The following BMPER variants were observed in gnomAD, a reference collection of about 807,000 sequenced individuals.
The protein encoded by BMPER is BMP-binding endothelial regulator protein.
In BMPER, 45 loss-of-function variants were observed where a neutral mutation model predicts 87.3. The observed-to-expected ratio is 0.52, with a 90% CI of 0.41 to 0.66. The LOEUF (loss-of-function observed/expected upper bound fraction) is 0.66. Among genes scored for constraint, BMPER ranks in the 30% least tolerant of loss-of-function variants. The pLI is 0.00. For missense variants in BMPER, 784 were observed against 867.5 expected (o/e 0.90, Z 1.21); for synonymous variants, 326 against 316.2 (o/e 1.03, Z -0.33).
intron 3 of BMPER, among the ~76,000 whole-genome samples, chr7:33,941,762 C>T (rs977206510): frequency 6.6e-6 from 1 of 152,160 alleles, no homozygotes; most frequent in Admixed American, 6.5e-5. Flanking sequence ...GCTCATTTGC[C>T]CACCTCTCAC....
At chr7:34,063,734 T>C (rs1429392877) in intron 11 of BMPER, among the ~76,000 whole-genome samples, 2 of 152,222 alleles carry the variant, frequency 1.3e-5, no homozygotes, top group Non-Finnish European at 2.9e-5. Flanking sequence ...TGTTTATGGA[T>C]GGTTCAGAGG....
chr7:34,135,565 CTT>C (rs1010447261), intron 13 of BMPER, among the ~76,000 whole-genome samples: 16 of 152,084 alleles, frequency 1.1e-4, no homozygotes, highest in Non-Finnish European at 2.2e-4. Flanking sequence ...CTGTCAGGGA[CTT>C]TTTTTGCTTT....
intron 12 of BMPER, among the ~76,000 whole-genome samples, chr7:34,082,422 A>G (rs1003431901): frequency 6.8e-6 from 1 of 147,180 alleles, no homozygotes; most frequent in Admixed American, 7.1e-5. Context: ...GCAAATGCAT[A>G]TGTAGATGAT....
At position 33,916,992 on chromosome 7, in the gene BMPER, G is replaced by A. The variant is rs147334193; in HGVS notation, c.219+10089G>A. Reference sequence around the variant, plus strand: ...ATAAACACTGTCTTTTTTTTGAAATGAATGTAATCACATTTGAAAATATAA... The same window carrying A: ...ATAAACACTGTCTTTTTTTTGAAATAAATGTAATCACATTTGAAAATATAA... On this transcript the variant is annotated intron_variant, in intron 2 of 14. Coordinates refer to ENST00000649409, the MANE Select transcript of BMPER (RefSeq NM_001365308.1). Among the ~76,000 whole-genome samples the A allele has an allele frequency of 6.9e-3, 1,051 of 152,094 alleles. 12 individuals are homozygous for A. The highest frequency in any genetic ancestry group is 1.0e-2 in the Non-Finnish European group (677 of 67,974).
intron 6 of BMPER, among the ~76,000 whole-genome samples, chr7:34,012,647 A>C (rs1786913922): frequency 1.3e-5 from 2 of 152,024 alleles, no homozygotes; most frequent in South Asian, 2.1e-4. Context: ...CCTGGGAAAA[A>C]TAAAACCAAA....
intron 14 of BMPER, among the ~76,000 whole-genome samples, chr7:34,148,696 A>G (rs1316785498): frequency 1.3e-5 from 2 of 152,206 alleles, no homozygotes; most frequent in Non-Finnish European, 2.9e-5. Context: ...AATAGTAGAA[A>G]GGTAAGATGC....
intron 13 of BMPER, among the ~76,000 whole-genome samples, chr7:34,089,694 G>T (rs1789324884): frequency 6.6e-6 from 1 of 152,074 alleles, no homozygotes; most frequent in African/African-American, 2.4e-5. Flanking sequence ...ATGTTGGCCA[G>T]GCTGATCTCG....
At chr7:33,931,234 A>T (rs1209936796) in intron 2 of BMPER, among the ~76,000 whole-genome samples, 1 of 152,196 alleles carries the variant, frequency 6.6e-6, no homozygotes, top group South Asian at 2.1e-4. Context: ...TCAACAGCCT[A>T]TTGGAGCTAA....
intron 13 of BMPER, among the ~76,000 whole-genome samples, chr7:34,132,252 G>A (rs751094436): frequency 6.6e-6 from 1 of 152,116 alleles, no homozygotes; most frequent in Non-Finnish European, 1.5e-5. Flanking sequence ...TGTACTTACT[G>A]GAGCCTGAGA....
intron 7 of BMPER, among the ~76,000 whole-genome samples, chr7:34,050,173 T>C (rs1260903607): frequency 6.6e-6 from 1 of 152,210 alleles, no homozygotes; most frequent in African/African-American, 2.4e-5. Flanking sequence ...CCTGCGTTAG[T>C]TGGGGAATTA....
At chr7:34,114,668 C>A (rs1378313118) in intron 13 of BMPER, among the ~76,000 whole-genome samples, 1 of 152,216 alleles carries the variant, frequency 6.6e-6, no homozygotes, top group African/African-American at 2.4e-5. Context: ...TTGTGAGCTA[C>A]TATTATGTAG....
chr7:33,912,117 TAAAC>T lies in BMPER; in HGVS notation c.219+5233_219+5236del, dbSNP rs370670959. 7.1e-3 allele frequency among the ~76,000 whole-genome samples: 1,079 copies of T among 152,196 alleles called. 8 individuals are homozygous for T. Among genetic ancestry groups the T allele is most frequent in the African/African-American group, 0.023 (965 of 41,506 alleles). On this transcript the variant is annotated intron_variant, in intron 2 of 14. Transcript: ENST00000649409. Reference sequence around the variant, plus strand: ...TTTTCCCCTCGCTTTCCATTAAACATAAACAAACAAACAAACAAACAACAACAAA... The same window carrying T: ...TTTTCCCCTCGCTTTCCATTAAACATAAACAAACAAACAAACAACAACAAA...
At chr7:33,941,150 A>G (rs1784753943) in intron 3 of BMPER, among the ~76,000 whole-genome samples, 1 of 138,854 alleles carries the variant, frequency 7.2e-6, no homozygotes, top group Non-Finnish European at 1.5e-5. Flanking sequence ...AATATATTAC[A>G]TATAATTTAT....
rs1263437284 is a variant in BMPER at position 34,019,100 on chromosome 7, A to G, written c.577-27206A>G. The stretch of plus-strand genomic sequence containing the variant: ...TTATTTAATTACTCCCTGGAAGATG[A>G]TGATCTTTGGGGAATGAGCATCTTG... On this transcript the variant is annotated intron_variant, in intron 6 of 14. Coordinates refer to ENST00000649409, the MANE Select transcript of BMPER (RefSeq NM_001365308.1). Among the ~76,000 whole-genome samples the G allele has an allele frequency of 2.0e-5, 3 of 152,042 alleles. No homozygotes were observed. The East Asian group carries it at 5.8e-4, about 29-fold the overall frequency.
rs1011003886 is a variant in BMPER, at chr7:34,035,204, G to A, written c.577-11102G>A. On this transcript the variant is annotated intron_variant, in intron 6 of 14. Coordinates refer to ENST00000649409, the MANE Select transcript of BMPER (RefSeq NM_001365308.1). Reference sequence around the variant, plus strand: ...CGCAGTGTTCCTTGATGGAGGCCACGGAGTGTTTACTATAGAACTTCATGA... The same window carrying A: ...CGCAGTGTTCCTTGATGGAGGCCACAGAGTGTTTACTATAGAACTTCATGA... Among the ~76,000 whole-genome samples, 8 of 152,270 alleles carry A rather than the reference G, an allele frequency of 5.3e-5. No homozygotes were observed. The South Asian group carries it at 8.3e-4, about 16-fold the overall frequency.
intron 6 of BMPER, among the ~76,000 whole-genome samples, chr7:34,000,099 A>G (rs1375968984): frequency 6.6e-6 from 1 of 152,210 alleles, no homozygotes; most frequent in Non-Finnish European, 1.5e-5. Context: ...TGCATCACGT[A>G]ATAATCACAT....
intron 6 of BMPER, among the ~76,000 whole-genome samples, chr7:33,992,454 G>A (rs1012648261): frequency 1.4e-5 from 2 of 140,198 alleles, no homozygotes; most frequent in African/African-American, 5.3e-5. Context: ...GCCTTTTTTT[G>A]TTTTCCATTG....
intron 4 of BMPER, among the ~76,000 whole-genome samples, chr7:33,969,687 C>T (rs1209407641): frequency 6.6e-6 from 1 of 152,264 alleles, no homozygotes; most frequent in African/African-American, 2.4e-5. Flanking sequence ...GCGTGAGCCA[C>T]TGCGTCCGGC....
At chr7:33,934,224 CTTAA>C (rs750033666) in intron 2 of BMPER, among the ~76,000 whole-genome samples, 47 of 152,224 alleles carry the variant, frequency 3.1e-4, no homozygotes, top group Admixed American at 6.5e-4. Flanking sequence ...ATGGAGTGGT[CTTAA>C]TTAACCTGTG....
Sources: gnomAD v4.1 joint callset for allele counts (sites outside exome capture counted in the v4.1 genomes callset) on GRCh38, gnomAD v4.1.1 for gene constraint, MANE v1.5 for transcripts, NCBI Gene and HGNC (gene_info 2026-07-23, HGNC 2026-07-21) for gene names.